Variants in OPRM1 observed in about 807,000 individuals in gnomAD.
OPRM1 encodes the protein opioid receptor mu 1.
OPRM1 carries 27 observed loss-of-function variants against 31.8 expected under a neutral mutation model. The observed-to-expected ratio is 0.85, with a 90% CI of 0.63 to 1.17. OPRM1 has a LOEUF of 1.17. Among genes scored for constraint, OPRM1 ranks in the 50% most tolerant of loss-of-function variants. OPRM1 has a pLI of 0.00. For synonymous variants in OPRM1, 196 were observed against 189.9 expected, an observed-to-expected ratio of 1.03 and a Z score of -0.26; for missense variants, 536 against 511.1, an observed-to-expected ratio of 1.05 and a Z score of -0.47.
At chr6:154,042,575 G>A (rs567007291) in intron 1 of OPRM1, among the ~76,000 whole-genome samples, 6 of 152,138 alleles carry the variant, frequency 3.9e-5, no homozygotes, top group Non-Finnish European at 7.3e-5. Flanking sequence ...TAACATGGAC[G>A]CTGTGATTAA....
At chr6:154,078,112 C>A (rs1376329203) in intron 1 of OPRM1, among the ~76,000 whole-genome samples, 2 of 152,150 alleles carry the variant, frequency 1.3e-5, no homozygotes, top group African/African-American at 4.8e-5. Context: ...AGTTCCTCTA[C>A]CTTTCTCAGA....
At chr6:154,041,572 T>C (rs185455207) in intron 1 of OPRM1, among the ~76,000 whole-genome samples, 184 of 152,256 alleles carry the variant, frequency 1.2e-3, no homozygotes, top group African/African-American at 4.1e-3. Flanking sequence ...TGTAAATTAT[T>C]TTCTCTAAGA....
At chr6:154,111,269 C>T (rs978509536) in intron 3 of OPRM1, among the ~76,000 whole-genome samples, 2 of 152,058 alleles carry the variant, frequency 1.3e-5, no homozygotes, top group South Asian at 2.1e-4. Flanking sequence ...GTCATCAGCT[C>T]CCAAGGTTTT....
chr6:154,158,920 T>C (rs1798820265), intron 3 of OPRM1: 1 of 152,222 alleles, frequency 6.6e-6, no homozygotes, highest in African/African-American at 2.4e-5. Context: ...TTTTTTGTTT[T>C]TTTGAGTAAA....
Position 154,160,294 on chromosome 6 carries a change from G to GC in OPRM1, c.1164+68824dup, listed in dbSNP as rs370745593. Among the ~76,000 whole-genome samples the GC allele has an allele frequency of 7.4e-3, 1,120 of 152,302 alleles. 8 individuals carry two copies. Among genetic ancestry groups the GC allele is most frequent in the African/African-American group, 0.026 (1,069 of 41,556 alleles). ...ACATATAGCAAAGATCTTCTATGTT[G>GC]CCTTTCCCTGATCAATCCATTATTC... On this transcript the variant is annotated intron_variant, in intron 3 of 3. Transcript: ENST00000337049.
chr6:154,092,427 A>AT (rs985504277), intron 3 of OPRM1, among the ~76,000 whole-genome samples: 1 of 152,200 alleles, frequency 6.6e-6, no homozygotes, highest in Non-Finnish European at 1.5e-5. Flanking sequence ...AGCCTGTATA[A>AT]TTTTTTTAAC....
chr6:154,232,905 TGAAAA>T (rs1325986825), intron 3 of OPRM1, among the ~76,000 whole-genome samples: 2 of 151,502 alleles, frequency 1.3e-5, no homozygotes, highest in Admixed American at 6.6e-5. Context: ...GGAAAAGGGG[TGAAAA>T]GAAAACAAAA....
rs1194393721 is a variant in OPRM1, at chr6:154,123,760, G to A, written c.*5039G>A. ...TGCCATGGCATTTGTAAACTGTCGT[G>A]GTACTGGTGGGAATGTTTTTTAGCA... On this transcript the variant is annotated 3_prime_UTR_variant, in exon 4 of 4. Transcript: ENST00000330432. Among the ~76,000 whole-genome samples the A allele has an allele frequency of 6.6e-6, 1 of 152,154 alleles. No individual in the cohort carries two copies. The highest frequency in any genetic ancestry group is 1.5e-5 in the Non-Finnish European group (1 of 68,026).
rs59576607 is a variant in OPRM1, at chr6:154,129,852, G to GCACACACACA, written c.*11156_*11165dup. ...TTACCACCGACACCCTCCCCCCCCA[G>GCACACACACA]CACACACACACACACACACACACAC... is the stretch of plus-strand genomic sequence containing the variant. On this transcript the variant is annotated 3_prime_UTR_variant, in exon 4 of 4. Coordinates refer to ENST00000330432, the MANE Select transcript of OPRM1 (RefSeq NM_000914.5). Among the ~76,000 whole-genome samples, 624 of 131,526 alleles carry GCACACACACA rather than the reference G, an allele frequency of 4.7e-3. 5 individuals are homozygous for GCACACACACA. Among genetic ancestry groups the GCACACACACA allele is most frequent in the African/African-American group, 0.015 (554 of 35,842 alleles). 86.3% of individuals were successfully genotyped at this position (131,526 alleles called of 152,430 possible).
rs546707970 is a variant in OPRM1 at position 154,228,061 on chromosome 6, C to T, written c.1165-18632C>T. On this transcript the variant is annotated intron_variant, in intron 3 of 3. Transcript: ENST00000337049. The stretch of plus-strand genomic sequence containing the variant: ...AGAATGACAGTGTTCTTCTCTTCCT[C>T]CTCCTTTTCCTCCTCCTCCGCTTCT... Among the ~76,000 whole-genome samples the T allele has an allele frequency of 2.6e-5, 4 of 152,272 alleles. No individual in the cohort carries two copies. In the South Asian group the frequency reaches 8.3e-4, roughly 32 times the overall value.
At chr6:154,093,390 T>G in intron 3 of OPRM1, 1 of 1,614,190 alleles carries the variant, frequency 6.2e-7, no homozygotes, top group Non-Finnish European at 8.5e-7. Flanking sequence ...TCACTCGTCC[T>G]GCCTTCGTGG....
chr6:154,080,546 A>G (rs142385230), intron 1 of OPRM1, among the ~76,000 whole-genome samples: 1 of 152,324 alleles, frequency 6.6e-6, no homozygotes, highest in East Asian at 1.9e-4. Context: ...CGTAGCCTGC[A>G]AAGTGCATTC....
chr6:154,090,045 A>C lies in OPRM1; in HGVS notation c.510A>C (p.Ala170=). ...LCTMSVDRYI[A]VCHPVKALDF... ...CCATGAGTGTTGATCGATACATTGCAGTCTGCCACCCTGTCAAGGCCTTAG... is the reference window on the plus strand; with the variant it reads ...CCATGAGTGTTGATCGATACATTGCCGTCTGCCACCCTGTCAAGGCCTTAG... Residue 170 remains alanine (A), a synonymous_variant, in exon 2 of 4, where the codon GCA becomes GCC. Transcript: ENST00000330432. 1 of 1,614,030 alleles carries C rather than the reference A, an allele frequency of 6.2e-7. No individual in the cohort carries two copies. Among genetic ancestry groups the C allele is most frequent in the Non-Finnish European group, 8.5e-7 (1 of 1,179,926 alleles).
chr6:154,177,498 C>T (rs574532850), intron 3 of OPRM1, among the ~76,000 whole-genome samples: 1 of 152,298 alleles, frequency 6.6e-6, no homozygotes, highest in African/African-American at 2.4e-5. Flanking sequence ...AGACACTTCT[C>T]AAAGGAAGAC....
chr6:154,197,286 T>A (rs1172421838), intron 3 of OPRM1, among the ~76,000 whole-genome samples: 1 of 151,848 alleles, frequency 6.6e-6, no homozygotes, highest in East Asian at 1.9e-4. Context: ...TAAAAAAAAA[T>A]GCACAATATG....
chr6:154,087,477 G>A, intron 1 of OPRM1: 1 of 985,494 alleles, frequency 1.0e-6, no homozygotes, highest in Non-Finnish European at 1.2e-6. Context: ...CCTGGCTTCA[G>A]GTGTGGGGTT....
At position 154,040,694 on chromosome 6, in the gene OPRM1, A is replaced by G. The variant is rs917748731; in HGVS notation, c.290+860A>G. 5.9e-5 allele frequency among the ~76,000 whole-genome samples: 9 copies of G among 151,980 alleles called. No homozygotes were observed. In the East Asian group the frequency reaches 1.7e-3, roughly 29 times the overall value. On this transcript the variant is annotated intron_variant, in intron 1 of 3. Transcript: ENST00000330432. ...TAATTCCACATTAGAAACTGCAGAA[A>G]CTCTTATACAGGAAGTTGTGATGGG...
chr6:154,218,535 C>G (rs1562548651), intron 3 of OPRM1, among the ~76,000 whole-genome samples: 1 of 152,172 alleles, frequency 6.6e-6, no homozygotes, highest in Non-Finnish European at 1.5e-5. Context: ...TCCCCCACAC[C>G]TCTCATCTTA....
intron 3 of OPRM1, among the ~76,000 whole-genome samples, chr6:154,239,965 G>A (rs1452967988): frequency 1.3e-5 from 2 of 152,216 alleles, no homozygotes; most frequent in Non-Finnish European, 2.9e-5. Flanking sequence ...GCCACCCAAA[G>A]TGCTGGGACT....
Sources: allele counts gnomAD v4.1 joint callset (sites outside exome capture counted in the v4.1 genomes callset), GRCh38; gene constraint gnomAD v4.1.1; transcripts MANE v1.5; gene names NCBI Gene and HGNC (gene_info 2026-07-23, HGNC 2026-07-21).